TRAPPC9: variants seen among roughly 807,000 people sequenced by gnomAD.
TRAPPC9 encodes the protein IKK2 binding protein.
In TRAPPC9, 83 loss-of-function variants were observed where a neutral mutation model predicts 124.0. The ratio of observed to expected loss-of-function variants is 0.67; its 90% CI spans 0.56 to 0.80. The LOEUF (loss-of-function observed/expected upper bound fraction) is 0.80, where lower values mean the gene tolerates loss of function less well. Among genes scored for constraint, TRAPPC9 ranks in the 30% least tolerant of loss-of-function variants. TRAPPC9 has a pLI of 0.00. For synonymous variants in TRAPPC9, 638 were observed against 617.5 expected (o/e 1.03, Z -0.49); for missense variants, 1,302 against 1,508.3 (o/e 0.86, Z 2.27).
chr8:140,337,862 G>A (rs1329391239), intron 9 of TRAPPC9, among the ~76,000 whole-genome samples: 2 of 151,762 alleles, frequency 1.3e-5, no homozygotes, highest in East Asian at 3.9e-4. Context: ...CCACGGGCCG[G>A]GCACCCTGTT....
chr8:140,103,780 A>G (rs2060620896), intron 17 of TRAPPC9, among the ~76,000 whole-genome samples: 1 of 152,196 alleles, frequency 6.6e-6, no homozygotes, highest in Non-Finnish European at 1.5e-5. Flanking sequence ...CTTTTTACAG[A>G]TGAAGGTACT....
chr8:140,084,426 C>T (rs1254142145), intron 17 of TRAPPC9, among the ~76,000 whole-genome samples: 1 of 152,172 alleles, frequency 6.6e-6, no homozygotes, highest in African/African-American at 2.4e-5. Flanking sequence ...CCATGGTAAA[C>T]AGGCTGAGCG....
intron 17 of TRAPPC9, among the ~76,000 whole-genome samples, chr8:140,138,799 T>C (rs925514980): frequency 1.2e-4 from 18 of 152,154 alleles, no homozygotes; most frequent in Non-Finnish European, 2.5e-4. Context: ...GCCGGTATTT[T>C]TTCTCTTAAA....
intron 20 of TRAPPC9, among the ~76,000 whole-genome samples, chr8:139,894,770 C>T (rs1261659108): frequency 3.3e-5 from 5 of 152,178 alleles, no homozygotes; most frequent in East Asian, 1.9e-4. Context: ...TTTCTGGTTT[C>T]GGCGTTCAGC....
chr8:139,739,685 G>A (rs1277664079), intron 21 of TRAPPC9, among the ~76,000 whole-genome samples: 1 of 152,250 alleles, frequency 6.6e-6, no homozygotes, highest in African/African-American at 2.4e-5. Flanking sequence ...GCCCCTGCCA[G>A]CCACTCGGCC....
In TRAPPC9 at chr8:139,921,569, T is replaced by A. The variant is rs1207509019; in HGVS notation, c.2811-11269A>T. On this transcript the variant is annotated intron_variant, in intron 19 of 22. Coordinates refer to ENST00000438773, the MANE Select transcript of TRAPPC9 (RefSeq NM_001160372.4). ...AGCTTCAGGAAGAGCTGGAGAGAAG[T>A]GTTGACCAAGTTAAGACACACAGTA... Among the ~76,000 whole-genome samples the A allele has an allele frequency of 2.6e-5, 4 of 151,850 alleles. No individual in the cohort carries two copies. The East Asian group carries it at 7.7e-4, about 29-fold the overall frequency.
chr8:140,287,262 C>T (rs1447589741), intron 13 of TRAPPC9, among the ~76,000 whole-genome samples: 1 of 151,776 alleles, frequency 6.6e-6, no homozygotes, highest in African/African-American at 2.4e-5. Flanking sequence ...GTTAAAGGCC[C>T]TCTGCAAAGG....
intron 17 of TRAPPC9, among the ~76,000 whole-genome samples, chr8:140,053,930 A>G (rs746617522): frequency 1.3e-5 from 2 of 152,250 alleles, no homozygotes; most frequent in African/African-American, 2.4e-5. Flanking sequence ...CTAGATGCCC[A>G]TCAACAGTGG....
chr8:139,802,008 C>G (rs1823568840), intron 21 of TRAPPC9, among the ~76,000 whole-genome samples: 1 of 152,204 alleles, frequency 6.6e-6, no homozygotes, highest in South Asian at 2.1e-4. Flanking sequence ...CTTAGCAGAG[C>G]TCACTCAAGG....
At chr8:140,389,233 A>G (rs2068852658) in intron 7 of TRAPPC9, among the ~76,000 whole-genome samples, 1 of 152,204 alleles carries the variant, frequency 6.6e-6, no homozygotes, top group South Asian at 2.1e-4. Flanking sequence ...CTGGGACTAC[A>G]GGCGTGAGCC....
At chr8:139,774,181 G>A (rs1448851854) in intron 21 of TRAPPC9, among the ~76,000 whole-genome samples, 1 of 152,254 alleles carries the variant, frequency 6.6e-6, no homozygotes, top group Non-Finnish European at 1.5e-5. Flanking sequence ...GAGTGAGACA[G>A]AAGTCGGCAT....
intron 9 of TRAPPC9, among the ~76,000 whole-genome samples, chr8:140,315,259 C>A (rs1376877001): frequency 8.9e-6 from 1 of 111,842 alleles, no homozygotes; most frequent in Non-Finnish European, 1.7e-5. Flanking sequence ...TTTTGGTGGG[C>A]ATGTGAGATT....
At chr8:140,217,950 G>A (rs1240579215) in intron 17 of TRAPPC9, among the ~76,000 whole-genome samples, 2 of 151,980 alleles carry the variant, frequency 1.3e-5, no homozygotes, top group Non-Finnish European at 2.9e-5. Flanking sequence ...CCAGGAGGTG[G>A]AGGTTGCAGT....
intron 17 of TRAPPC9, among the ~76,000 whole-genome samples, chr8:140,195,359 T>C (rs928286188): frequency 6.6e-6 from 1 of 151,912 alleles, no homozygotes; most frequent in Non-Finnish European, 1.5e-5. Flanking sequence ...AATGATCCAC[T>C]GTACAGATCA....
In TRAPPC9 at chr8:139,900,199, T is replaced by C. The variant is rs187230011; in HGVS notation, c.2964+9948A>G. ...CTTCCCCTTTTAGACCCTGAGCCCG[T>C]GTGCGTGTGTGCCTGGGTCCTCACT... On this transcript the variant is annotated intron_variant, in intron 20 of 22. Coordinates refer to ENST00000438773, the MANE Select transcript of TRAPPC9 (RefSeq NM_001160372.4). Among the ~76,000 whole-genome samples, 7 of 152,344 alleles carry C rather than the reference T, an allele frequency of 4.6e-5. No homozygotes were observed. In the East Asian group the frequency reaches 1.2e-3, roughly 25 times the overall value.
intron 17 of TRAPPC9, among the ~76,000 whole-genome samples, chr8:140,126,120 C>T (rs1017387016): frequency 9.9e-5 from 15 of 152,080 alleles, no homozygotes; most frequent in African/African-American, 3.1e-4. Context: ...TTTTGCGGTA[C>T]GTAACTTCTT....
intron 19 of TRAPPC9, among the ~76,000 whole-genome samples, chr8:139,986,669 A>T (rs1383753053): frequency 6.6e-6 from 1 of 152,212 alleles, no homozygotes; most frequent in Non-Finnish European, 1.5e-5. Flanking sequence ...TCCAGTGTGC[A>T]TATCATTAAC....
chr8:139,782,393 G>A (rs1821895564), intron 21 of TRAPPC9, among the ~76,000 whole-genome samples: 1 of 151,960 alleles, frequency 6.6e-6, no homozygotes, highest in Admixed American at 6.6e-5. Context: ...GGGGGAAAAA[G>A]GTATATCATG....
At chr8:140,382,938 A>G (rs962393577) in intron 7 of TRAPPC9, among the ~76,000 whole-genome samples, 1 of 152,178 alleles carries the variant, frequency 6.6e-6, no homozygotes, top group Non-Finnish European at 1.5e-5. Context: ...GACACCTCAC[A>G]TGGCCGGGTA....
Sources: allele counts gnomAD v4.1 joint callset (sites outside exome capture counted in the v4.1 genomes callset), GRCh38; gene constraint gnomAD v4.1.1; transcripts MANE v1.5; gene names NCBI Gene and HGNC (gene_info 2026-07-23, HGNC 2026-07-21).